OPCML: variants seen among roughly 807,000 people sequenced by gnomAD.
OPCML encodes the protein opioid-binding protein/cell adhesion molecule.
In OPCML, 13 loss-of-function variants were observed where a neutral mutation model predicts 37.8. The ratio of observed to expected loss-of-function variants is 0.34; its 90% CI spans 0.22 to 0.55. OPCML has a LOEUF of 0.55. OPCML is among the 20% of genes least tolerant of loss of function. The probability of loss-of-function intolerance (pLI) is 0.91; values close to 1 mark genes in which losing one functional copy is unlikely to be tolerated. For synonymous variants in OPCML, 176 were observed against 168.8 expected (o/e 1.04, Z -0.33); for missense variants, 341 against 435.6 (o/e 0.78, Z 1.93).
chr11:133,179,854 G>A (rs1324269000), intron 1 of OPCML, among the ~76,000 whole-genome samples: 1 of 152,220 alleles, frequency 6.6e-6, no homozygotes, highest in East Asian at 1.9e-4. Flanking sequence ...GTAACCCTGT[G>A]AGGCTTGGTG....
In OPCML at chr11:133,206,794, T is replaced by C. The variant is rs971371587; in HGVS notation, c.62-263784A>G. The stretch of plus-strand genomic sequence containing the variant: ...CGGAGTCTTCTGGTCCGCAGGTTTG[T>C]GAATGGATGCAGCACCCACGCTTAC... On this transcript the variant is annotated intron_variant, in intron 1 of 7. Transcript: ENST00000524381. The surrounding 1 kb of genome is among the most constrained non-coding windows in gnomAD (Gnocchi z 4.7). 2.0e-5 allele frequency among the ~76,000 whole-genome samples: 3 copies of C among 152,198 alleles called. No homozygotes were observed. Among genetic ancestry groups the C allele is most frequent in the Non-Finnish European group, 4.4e-5 (3 of 68,030 alleles).
At chr11:133,030,699 A>G (rs1947649341) in intron 1 of OPCML, among the ~76,000 whole-genome samples, 1 of 152,214 alleles carries the variant, frequency 6.6e-6, no homozygotes, top group Non-Finnish European at 1.5e-5. Context: ...TAAATATTTA[A>G]TTAATAAAAC....
intron 3 of OPCML, among the ~76,000 whole-genome samples, chr11:132,547,282 G>A (rs563359355): frequency 6.6e-6 from 1 of 152,196 alleles, no homozygotes; most frequent in African/African-American, 2.4e-5. Context: ...GGGTGAGAAA[G>A]CTGACCTTGA....
At chr11:133,429,799 T>C (rs1210088694) in intron 1 of OPCML, among the ~76,000 whole-genome samples, 1 of 152,164 alleles carries the variant, frequency 6.6e-6, no homozygotes. Context: ...AGGAATTTAA[T>C]TTGGGCTATG....
intron 3 of OPCML, among the ~76,000 whole-genome samples, chr11:132,585,329 A>G (rs2096470331): frequency 1.3e-5 from 2 of 152,054 alleles, no homozygotes; most frequent in African/African-American, 4.8e-5. Context: ...AGGGTTATTT[A>G]AGGTTACTTT....
At chr11:133,474,308 A>AC (rs1161692718) in intron 1 of OPCML, among the ~76,000 whole-genome samples, 1 of 152,182 alleles carries the variant, frequency 6.6e-6, no homozygotes, top group Admixed American at 6.5e-5. Context: ...ACTCTTTGTA[A>AC]CACACATTGT....
intron 2 of OPCML, among the ~76,000 whole-genome samples, chr11:132,865,004 C>T (rs749947337): frequency 5.3e-5 from 8 of 152,222 alleles, no homozygotes; most frequent in African/African-American, 1.2e-4. Context: ...GCGATAGAGC[C>T]GGCACTTGGG....
chr11:133,037,977 A>G (rs566370182), intron 1 of OPCML, among the ~76,000 whole-genome samples: 3 of 152,356 alleles, frequency 2.0e-5, no homozygotes, highest in South Asian at 4.1e-4. Context: ...TCTCCTAAGC[A>G]TCAAATGAAT....
chr11:132,500,650 G>A (rs368335030), intron 4 of OPCML, among the ~76,000 whole-genome samples: 11 of 152,082 alleles, frequency 7.2e-5, no homozygotes, highest in African/African-American at 2.2e-4. Context: ...ATGGTGGTTT[G>A]CTGCACCTAT....
intron 1 of OPCML, among the ~76,000 whole-genome samples, chr11:133,047,626 G>A (rs1396642659): frequency 1.3e-5 from 2 of 152,082 alleles, no homozygotes; most frequent in East Asian, 3.9e-4. Context: ...TGCTGGCCGT[G>A]GGTCACTGTC....
intron 1 of OPCML, among the ~76,000 whole-genome samples, chr11:133,432,254 A>C (rs4334022): frequency 0.28 from 43,280 of 152,150 alleles, 8,907 homozygotes; most frequent in African/African-American, 0.58. Flanking sequence ...GGAAAAAAAG[A>C]GAAATCAGTT....
chr11:133,115,973 T>TAC (rs147785809), intron 1 of OPCML, among the ~76,000 whole-genome samples: 1 of 151,620 alleles, frequency 6.6e-6, no homozygotes, highest in Non-Finnish European at 1.5e-5. Context: ...TTATTATTAA[T>TAC]ATATATATAT....
At chr11:133,315,296 C>A (rs1446995789) in intron 1 of OPCML, among the ~76,000 whole-genome samples, 1 of 152,072 alleles carries the variant, frequency 6.6e-6, no homozygotes, top group Non-Finnish European at 1.5e-5. Context: ...TGTGATATTA[C>A]ATTAACTTGA....
At chr11:133,112,866 C>T (rs918614637) in intron 1 of OPCML, among the ~76,000 whole-genome samples, 2 of 152,014 alleles carry the variant, frequency 1.3e-5, no homozygotes, top group African/African-American at 2.4e-5. Context: ...ACTGTCATGC[C>T]CCCTACCCTT....
At chr11:132,747,353 T>C (rs1945666832) in intron 2 of OPCML, among the ~76,000 whole-genome samples, 2 of 152,108 alleles carry the variant, frequency 1.3e-5, no homozygotes, top group African/African-American at 4.8e-5. Context: ...TGAAGCACAG[T>C]GACAAAGAAG....
At chr11:133,128,371 T>C (rs1949550834) in intron 1 of OPCML, among the ~76,000 whole-genome samples, 2 of 152,158 alleles carry the variant, frequency 1.3e-5, no homozygotes, top group South Asian at 4.1e-4. Flanking sequence ...CAGCCTCCCC[T>C]TCCATTTCGA....
At chr11:133,086,852 G>A (rs1948826080) in intron 1 of OPCML, among the ~76,000 whole-genome samples, 1 of 152,248 alleles carries the variant, frequency 6.6e-6, no homozygotes, top group Non-Finnish European at 1.5e-5. Flanking sequence ...TTCTGTGTCT[G>A]GCTTATTTTG....
At chr11:132,705,781 CT>C (rs201566526) in intron 2 of OPCML, among the ~76,000 whole-genome samples, 1 of 151,998 alleles carries the variant, frequency 6.6e-6, no homozygotes, top group African/African-American at 2.4e-5. Flanking sequence ...CCTATTAAAT[CT>C]TTTTTCTAAT....
Position 132,441,169 on chromosome 11 carries a change from T to TTTTTTTTTTTTTTGTTTTTG in OPCML, c.506-3811_506-3810insCAAAAACAAAAAAAAAAAAA. Among the ~76,000 whole-genome samples the TTTTTTTTTTTTTTGTTTTTG allele has an allele frequency of 1.8e-5, 2 of 113,650 alleles. 1 individual carries two copies. The highest frequency in any genetic ancestry group is 3.7e-5 in the Non-Finnish European group (2 of 53,430). 74.6% of individuals were successfully genotyped at this position (113,650 alleles called of 152,430 possible). ...GTGTTCACCAAGGACTTTTTTGTTT[T>TTTTTTTTTTTTTTGTTTTTG]TTTTTTTTTTTTTTTTGAGACGGAG... On this transcript the variant is annotated intron_variant, in intron 4 of 7. Transcript: ENST00000524381.
Sources: gnomAD v4.1 joint callset for allele counts (sites outside exome capture counted in the v4.1 genomes callset) on GRCh38, gnomAD v4.1.1 for gene constraint, Gnocchi (gnomAD v3.1) non-coding constraint, MANE v1.5 for transcripts, NCBI Gene and HGNC (gene_info 2026-07-23, HGNC 2026-07-21) for gene names.